The following GALNT1 variants were observed in gnomAD, a reference collection of about 807,000 sequenced individuals.
The protein encoded by GALNT1 is polypeptide N-acetylgalactosaminyltransferase 1.
In GALNT1, 17 loss-of-function variants were observed where a neutral mutation model predicts 65.7. The observed-to-expected ratio is 0.26, with a 90% CI of 0.18 to 0.39. The LOEUF (loss-of-function observed/expected upper bound fraction) is 0.39, where lower values mean the gene tolerates loss of function less well. GALNT1 is among the 10% of genes least tolerant of loss of function. GALNT1 has a pLI of 1.00. For missense variants in GALNT1, 460 were observed against 672.8 expected (o/e 0.68, Z 3.50); for synonymous variants, 210 against 219.7 (o/e 0.96, Z 0.39).
chr18:35,688,745 C>T (rs1183088684), intron 6 of GALNT1, among the ~76,000 whole-genome samples: 1 of 152,184 alleles, frequency 6.6e-6, no homozygotes, highest in Non-Finnish European at 1.5e-5. Context: ...ACTCTAACCT[C>T]AATCTACTTG....
intron 1 of GALNT1, chr18:35,595,755 C>T (rs904757270): frequency 3.9e-4 from 59 of 151,760 alleles, no homozygotes; most frequent in African/African-American, 1.0e-3. Flanking sequence ...AATATCCTGA[C>T]GGTATCAAAA....
intron 3 of GALNT1, among the ~76,000 whole-genome samples, chr18:35,675,254 GGTGTGTGTTTGTGT>G (rs1279531364): frequency 6.6e-6 from 1 of 152,050 alleles, no homozygotes; most frequent in East Asian, 1.9e-4. Context: ...CCAGGTTAGG[GGTGTGTGTTTGTGT>G]GTGTTTGTAC....
intron 1 of GALNT1, among the ~76,000 whole-genome samples, chr18:35,650,250 C>T (rs1884984339): frequency 6.6e-6 from 1 of 152,110 alleles, no homozygotes; most frequent in Non-Finnish European, 1.5e-5. Context: ...GCCGTAAAAC[C>T]AGCAAGTTTT....
intron 9 of GALNT1, among the ~76,000 whole-genome samples, chr18:35,698,786 G>C (rs2048105301): frequency 6.6e-6 from 1 of 152,022 alleles, no homozygotes; most frequent in Non-Finnish European, 1.5e-5. Flanking sequence ...AGACCAGCCT[G>C]GCCAAGATGG....
chr18:35,647,982 G>A (rs1254479185), intron 1 of GALNT1, among the ~76,000 whole-genome samples: 2 of 151,484 alleles, frequency 1.3e-5, no homozygotes, highest in African/African-American at 4.9e-5. Flanking sequence ...AGGAATTCAA[G>A]ACCAGCCTGG....
intron 1 of GALNT1, among the ~76,000 whole-genome samples, chr18:35,590,016 AC>A (rs1195674492): frequency 6.6e-6 from 1 of 152,178 alleles, no homozygotes; most frequent in Non-Finnish European, 1.5e-5. Context: ...CTAGACTTTG[AC>A]TAGCACTGCC....
At chr18:35,586,041 G>T (rs1285380615) in intron 1 of GALNT1, among the ~76,000 whole-genome samples, 3 of 152,152 alleles carry the variant, frequency 2.0e-5, no homozygotes, top group Non-Finnish European at 1.5e-5. Context: ...TAAAAAACTG[G>T]TGAGCTGTTT....
intron 1 of GALNT1, among the ~76,000 whole-genome samples, chr18:35,598,019 CTCCAATCCCCTCCCA>C (rs1251429558): frequency 4.8e-4 from 26 of 54,180 alleles, no homozygotes; most frequent in Admixed American, 1.6e-3. Flanking sequence ...CTCCCCTCCC[CTCCAATCCCCTCCCA>C]TCCCCTCCCC....
At position 35,589,939 on chromosome 18, in the gene GALNT1, A is replaced by C. The variant is rs530698478; in HGVS notation, c.-104+8077A>C. Among the ~76,000 whole-genome samples the C allele has an allele frequency of 3.9e-5, 6 of 152,332 alleles. No individual in the cohort carries two copies. In the East Asian group the frequency reaches 1.2e-3, roughly 29 times the overall value. ...GTCAAATTGCTACCAAAGTTTCTAA[A>C]TGCTTGCTCTCACCCTCTCTCCTTA... is the stretch of plus-strand genomic sequence containing the variant. On this transcript the variant is annotated intron_variant, in intron 1 of 11. Coordinates refer to ENST00000269195, the MANE Select transcript of GALNT1 (RefSeq NM_020474.4).
chr18:35,628,344 GGCCGGGTACCCCTCTGA>G (rs2046950335), intron 1 of GALNT1, among the ~76,000 whole-genome samples: 2 of 152,142 alleles, frequency 1.3e-5, no homozygotes, highest in African/African-American at 4.8e-5. Context: ...CACTTCACAC[GGCCGGGTACCCCTCTGA>G]GCTGAAACTT....
intron 1 of GALNT1, among the ~76,000 whole-genome samples, chr18:35,604,096 A>G (rs2046615466): frequency 6.6e-6 from 1 of 151,996 alleles, no homozygotes; most frequent in Non-Finnish European, 1.5e-5. Context: ...ACCCTCAACT[A>G]GGCCCCAGTA....
At chr18:35,666,446 C>CT (rs2047550230) in intron 3 of GALNT1, among the ~76,000 whole-genome samples, 1 of 152,154 alleles carries the variant, frequency 6.6e-6, no homozygotes, top group Non-Finnish European at 1.5e-5. Context: ...ACTATAGACT[C>CT]TCCACAGTCT....
intron 9 of GALNT1, among the ~76,000 whole-genome samples, chr18:35,700,030 A>G (rs1331000409): frequency 1.3e-5 from 2 of 152,130 alleles, no homozygotes; most frequent in Non-Finnish European, 2.9e-5. Flanking sequence ...AAACAAACCT[A>G]TTAGGTGGTC....
chr18:35,703,691 G>A (rs1407871225), intron 11 of GALNT1, 48 bp downstream of exon 11: 2 of 1,582,970 alleles, frequency 1.3e-6, no homozygotes, highest in South Asian at 2.3e-5. Context: ...GTGTCACTGG[G>A]TATATTTATA....
chr18:35,624,240 C>T (rs1386564849), intron 1 of GALNT1, among the ~76,000 whole-genome samples: 1 of 152,190 alleles, frequency 6.6e-6, no homozygotes, highest in African/African-American at 2.4e-5. Flanking sequence ...GTATTTCCTG[C>T]CTCACTTTCC....
At chr18:35,654,928 T>C (rs919849254) in intron 2 of GALNT1, 127 bp downstream of exon 2, 6 of 609,808 alleles carry the variant, frequency 9.8e-6, no homozygotes, top group African/African-American at 3.9e-5. Context: ...GTGGGAGATA[T>C]GAGGATCATA....
chr18:35,649,519 A>G (rs2047281999), intron 1 of GALNT1, among the ~76,000 whole-genome samples: 1 of 152,182 alleles, frequency 6.6e-6, no homozygotes, highest in East Asian at 1.9e-4. Flanking sequence ...TCAAAGAAAA[A>G]TTGGAAGTTT....
At chr18:35,647,946 C>T (rs2047252588) in intron 1 of GALNT1, among the ~76,000 whole-genome samples, 2 of 151,582 alleles carry the variant, frequency 1.3e-5, no homozygotes, top group African/African-American at 2.4e-5. Flanking sequence ...GTTTGGGAGG[C>T]CGTGGTGGGT....
intron 9 of GALNT1, 42 bp downstream of exon 9, chr18:35,692,362 TCTTA>T: frequency 8.0e-7 from 1 of 1,256,180 alleles, no homozygotes; most frequent in Non-Finnish European, 1.1e-6. Flanking sequence ...GTTATTATGT[TCTTA>T]CTTTTTTATT....
Sources: allele counts gnomAD v4.1 joint callset (sites outside exome capture counted in the v4.1 genomes callset), GRCh38; gene constraint gnomAD v4.1.1; transcripts MANE v1.5; gene names NCBI Gene and HGNC (gene_info 2026-07-23, HGNC 2026-07-21).